FUT8: variants seen among roughly 807,000 people sequenced by gnomAD.
The protein encoded by FUT8 is fucosyltransferase 8, also known as alpha-(1,6)-fucosyltransferase.
FUT8 carries 29 observed loss-of-function variants against 71.3 expected under a neutral mutation model. The ratio of observed to expected loss-of-function variants is 0.41; its 90% confidence interval spans 0.30 to 0.55. The LOEUF (loss-of-function observed/expected upper bound fraction) is 0.55. FUT8 is among the 20% of genes least tolerant of loss of function. The probability of loss-of-function intolerance (pLI) is 0.34; values close to 1 mark genes in which losing one functional copy is unlikely to be tolerated. For synonymous variants in FUT8, 254 were observed against 239.3 expected (o/e 1.06, Z -0.57); for missense variants, 544 against 702.1 (o/e 0.77, Z 2.55).
intron 2 of FUT8, among the ~76,000 whole-genome samples, chr14:65,493,030 T>C (rs2066504936): frequency 6.6e-6 from 1 of 152,130 alleles, no homozygotes; most frequent in Non-Finnish European, 1.5e-5. Flanking sequence ...TAGTTGCAGA[T>C]AGGAGCTTGT....
intron 5 of FUT8, among the ~76,000 whole-genome samples, chr14:65,625,487 G>A (rs1228188157): frequency 1.3e-5 from 2 of 152,198 alleles, no homozygotes; most frequent in Non-Finnish European, 2.9e-5. Context: ...CTGCATTGTA[G>A]GTTTGGTTTT....
chr14:65,663,704 TA>T (rs1892078842), intron 6 of FUT8, among the ~76,000 whole-genome samples: 2 of 152,120 alleles, frequency 1.3e-5, no homozygotes, highest in Admixed American at 1.3e-4. Flanking sequence ...CTCTATGACA[TA>T]AACAGAAAAG....
the FUT8 span, among the ~76,000 whole-genome samples, chr14:65,403,631 A>G: frequency 2.0e-5 from 3 of 152,190 alleles, no homozygotes; most frequent in Admixed American, 6.5e-5. Context: ...GGGTTAACAT[A>G]TAAGGTAGAA....
intron 2 of FUT8, among the ~76,000 whole-genome samples, chr14:65,460,363 A>G (rs1163114054): frequency 6.6e-6 from 1 of 152,190 alleles, no homozygotes; most frequent in African/African-American, 2.4e-5. Flanking sequence ...AATTAAGATA[A>G]TCTCTCTAGG....
At chr14:65,597,689 A>G (rs1457779696) in intron 3 of FUT8, among the ~76,000 whole-genome samples, 3 of 149,100 alleles carry the variant, frequency 2.0e-5, no homozygotes, top group Non-Finnish European at 4.5e-5. Flanking sequence ...GTCTTGGAGT[A>G]AAGTCCATGA....
intron 3 of FUT8, among the ~76,000 whole-genome samples, chr14:65,597,118 G>A (rs1219514030): frequency 1.3e-5 from 2 of 152,126 alleles, no homozygotes; most frequent in Non-Finnish European, 2.9e-5. Flanking sequence ...TACAGATAAG[G>A]AAACAGAGCT....
At chr14:65,654,859 G>GA (rs200651986) in intron 6 of FUT8, among the ~76,000 whole-genome samples, 29 of 150,178 alleles carry the variant, frequency 1.9e-4, no homozygotes, top group East Asian at 5.9e-4. Context: ...AAGAAAGAGA[G>GA]AAAAAAAAAT....
upstream of FUT8, chr14:65,412,681 A>G (rs1410258168): frequency 1.1e-5 from 2 of 188,474 alleles, no homozygotes; most frequent in African/African-American, 4.8e-5. Flanking sequence ...CGGCCGGCGC[A>G]TGCGCGCCCT....
chr14:65,520,750 C>T (rs1164057637), intron 2 of FUT8, among the ~76,000 whole-genome samples: 1 of 151,918 alleles, frequency 6.6e-6, no homozygotes, highest in Non-Finnish European at 1.5e-5. Flanking sequence ...AAAAGGTTAA[C>T]ATTGCTTAGT....
At chr14:65,527,563 C>T (rs748285505) in intron 2 of FUT8, among the ~76,000 whole-genome samples, 20 of 152,186 alleles carry the variant, frequency 1.3e-4, no homozygotes, top group Non-Finnish European at 2.6e-4. Context: ...TATCTCAACT[C>T]ATCAAAGTCA....
intron 5 of FUT8, among the ~76,000 whole-genome samples, chr14:65,625,853 C>T (rs148820858): frequency 1.3e-3 from 199 of 152,290 alleles, no homozygotes; most frequent in Non-Finnish European, 1.5e-3. Context: ...ATCATGTGTA[C>T]TTCTAATGGC....
At chr14:65,430,671 T>C (rs2065459177) in intron 1 of FUT8, among the ~76,000 whole-genome samples, 1 of 152,224 alleles carries the variant, frequency 6.6e-6, no homozygotes, top group Non-Finnish European at 1.5e-5. Flanking sequence ...ACTACTTTGA[T>C]ATTTGTACAG....
intron 1 of FUT8, chr14:65,430,175 A>G (rs1595364684): frequency 6.7e-6 from 1 of 148,804 alleles, no homozygotes; most frequent in African/African-American, 2.5e-5. Context: ...ACATACCACC[A>G]CGCCCAGCTA....
Position 65,742,267 on chromosome 14 carries a change from A to G in FUT8, c.1585A>G (p.Ile529Val). 1.2e-6 allele frequency: 2 copies of G among 1,613,104 alleles called. No homozygotes were observed. Among genetic ancestry groups the G allele is most frequent in the Middle Eastern group, 1.7e-4 (1 of 6,052 alleles). Residue 529 changes from isoleucine (I) to valine (V), a missense_variant, in exon 11 of 11, where the codon ATT becomes GTT. By Grantham distance (29) the Ile-to-Val change is conservative. Coordinates refer to ENST00000673929, the MANE Select transcript of FUT8 (RefSeq NM_001371533.1). ...AATTCCCATGGAACCTGGAGATATC[A>G]TTGGTGTGGCTGGAAATCATTGGGA... ...DEIPMEPGDI[I>V]GVAGNHWDGY...
intron 2 of FUT8, chr14:65,516,182 A>T (rs540815081): frequency 1.9e-5 from 2 of 105,124 alleles, no homozygotes; most frequent in South Asian, 3.9e-4. Context: ...CTTGTCTCTT[A>T]TAAAAAGAAA....
chr14:65,553,456 T>G (rs1230818886), intron 2 of FUT8, among the ~76,000 whole-genome samples: 1 of 152,164 alleles, frequency 6.6e-6, no homozygotes, highest in African/African-American at 2.4e-5. Context: ...TGTGGTTAAA[T>G]TAAGGGAAAA....
intron 3 of FUT8, among the ~76,000 whole-genome samples, chr14:65,584,037 G>C (rs561265892): frequency 6.6e-6 from 1 of 151,450 alleles, no homozygotes; most frequent in Non-Finnish European, 1.5e-5. Context: ...GTGCTACCAC[G>C]CCTGGCTAAT....
the FUT8 span, among the ~76,000 whole-genome samples, chr14:65,401,889 C>A: frequency 8.8e-6 from 1 of 113,102 alleles, no homozygotes; most frequent in Non-Finnish European, 1.8e-5. Context: ...AGAGTGAGAC[C>A]CTGTCTAAAA....
rs1281044376 is a variant in FUT8 at position 65,519,403 on chromosome 14, C to A, written c.-227-41934C>A. 3.9e-5 allele frequency among the ~76,000 whole-genome samples: 6 copies of A among 152,186 alleles called. No homozygotes were observed. The East Asian group carries it at 9.6e-4, about 24-fold the overall frequency. The stretch of plus-strand genomic sequence containing the variant: ...GTTGAATAGGATGTATGGAATGATT[C>A]CTTTAATGTAAGGTTATTTATATTT... On this transcript the variant is annotated intron_variant, in intron 2 of 10. Coordinates refer to ENST00000673929, the MANE Select transcript of FUT8 (RefSeq NM_001371533.1).
Sources: allele counts gnomAD v4.1 joint callset (sites outside exome capture counted in the v4.1 genomes callset), GRCh38; gene constraint gnomAD v4.1.1; transcripts MANE v1.5; gene names NCBI Gene and HGNC (gene_info 2026-07-23, HGNC 2026-07-21).